PLAU: variants seen among roughly 807,000 people sequenced by gnomAD.
PLAU encodes urokinase-type plasminogen activator.
PLAU carries 32 observed loss-of-function variants against 48.9 expected under a neutral mutation model. The ratio of observed to expected loss-of-function variants is 0.65; its 90% CI spans 0.49 to 0.88. The LOEUF is 0.88. PLAU is among the 40% of genes least tolerant of loss of function. The probability of loss-of-function intolerance (pLI) is 0.00; values close to 1 mark genes in which losing one functional copy is unlikely to be tolerated. For missense variants in PLAU, 455 were observed against 545.2 expected (o/e 0.83, Z 1.65); for synonymous variants, 199 against 205.7 (o/e 0.97, Z 0.28).
chr10:73,912,110 T>C, intron 3 of PLAU, 42 bp downstream of exon 3: 1 of 1,604,950 alleles, frequency 6.2e-7, no homozygotes, highest in Non-Finnish European at 8.5e-7. Flanking sequence ...ACAGACAAGT[T>C]GGGAAGGCTT....
Position 73,912,305 on chromosome 10 carries a change from G to A in PLAU, c.176G>A (p.Gly59Glu). Residue 59 changes from glycine (G) to glutamate (E), a missense_variant, in exon 4 of 11, where the codon GGG becomes GAG. Transcript: ENST00000372764. ...TGCAACTGCCCAAAGAAATTCGGAGGGCAGCACTGTGAAATAGGTATGGGG... is the reference window on the plus strand; with the variant it reads ...TGCAACTGCCCAAAGAAATTCGGAGAGCAGCACTGTGAAATAGGTATGGGG... The part of the protein sequence containing the change: ...HWCNCPKKFG[G>E]QHCEIDKSKT... 1 of 1,613,110 alleles carries A rather than the reference G, an allele frequency of 6.2e-7. No individual in the cohort carries two copies. Among genetic ancestry groups the A allele is most frequent in the South Asian group, 1.1e-5 (1 of 91,068 alleles).
chr10:73,916,482 A>G lies in PLAU; in HGVS notation c.1213A>G (p.Lys405Glu). 1.2e-6 allele frequency: 2 copies of G among 1,614,044 alleles called. No homozygotes were observed. The highest frequency in any genetic ancestry group is 1.7e-6 in the Non-Finnish European group (2 of 1,179,962). ...GGGCCGTGGATGTGCCCTGAAGGAC[A>G]AGCCAGGCGTCTACACGAGAGTCTC... Reference protein sequence around the residue: ...SWGRGCALKDKPGVYTRVSHF... With the variant: ...SWGRGCALKDEPGVYTRVSHF... The change falls in exon 11 of 11, where the codon AAG becomes GAG. Residue 405 changes from lysine (K) to glutamate (E), a missense_variant. Lys to Glu is a moderately conservative substitution (Grantham distance 56). Coordinates refer to ENST00000372764, the MANE Select transcript of PLAU (RefSeq NM_002658.6).
At position 73,914,776 on chromosome 10, in the gene PLAU, C is replaced by G. The variant is rs899678360; in HGVS notation, c.830C>G (p.Ala277Gly). Reference protein sequence around the residue: ...ADTLAHHNDIALLKIRSKEGR... With the variant: ...ADTLAHHNDIGLLKIRSKEGR... ...CCTCTGACCCTCTGTCCTCCCCCAG[C>G]CTTGCTGAAGATCCGTTCCAAGGAG... The change falls in exon 9 of 11, where the codon GCC becomes GGC. Residue 277 changes from alanine to glycine, a missense_variant and splice_region_variant. Ala to Gly is a moderately conservative substitution (Grantham distance 60). Coordinates refer to ENST00000372764, the MANE Select transcript of PLAU (RefSeq NM_002658.6). 1.2e-6 allele frequency: 2 copies of G among 1,613,352 alleles called. No homozygotes were observed. The highest frequency in any genetic ancestry group is 1.1e-5 in the South Asian group (1 of 91,000).
rs2227569 is a variant in PLAU, at chr10:73,914,543, G to A, written c.830-233G>A. ...CTCAGCTGGGAGTTTTTGCAGAAAC[G>A]ACCTGTACAGCTGTATGCAGTGGCT... On this transcript the variant is annotated intron_variant, in intron 8 of 10. Coordinates refer to ENST00000372764, the MANE Select transcript of PLAU (RefSeq NM_002658.6). 4.1e-3 allele frequency among the ~76,000 whole-genome samples: 629 copies of A among 152,280 alleles called. 6 individuals are homozygous for A. The highest frequency in any genetic ancestry group is 0.014 in the African/African-American group (591 of 41,546).
At chr10:73,913,458 G>A (rs2096129286) in intron 6 of PLAU, 77 bp downstream of exon 6, 12 of 1,549,232 alleles carry the variant, frequency 7.7e-6, no homozygotes, top group Non-Finnish European at 1.1e-5. Flanking sequence ...CATCACAGGA[G>A]GACTGAGGAG....
Position 73,916,419 on chromosome 10 carries a change from C to T in PLAU, c.1150C>T (p.Leu384Phe), listed in dbSNP as rs1317242351. The T allele has an allele frequency of 2.5e-6, 4 of 1,613,598 alleles. No individual in the cohort carries two copies. In the East Asian group the frequency reaches 6.7e-5, roughly 27 times the overall value. Residue 384 changes from leucine (L) to phenylalanine (F), a missense_variant, in exon 11 of 11, where the codon CTC becomes TTC. Leu to Phe is a conservative substitution (Grantham distance 22, BLOSUM62 0). Coordinates refer to ENST00000372764, the MANE Select transcript of PLAU (RefSeq NM_002658.6). Reference sequence around the variant, plus strand: ...CTCAGGGGGACCCCTCGTCTGTTCCCTCCAAGGCCGCATGACTTTGACTGG... The same window carrying T: ...CTCAGGGGGACCCCTCGTCTGTTCCTTCCAAGGCCGCATGACTTTGACTGG... ...GDSGGPLVCSLQGRMTLTGIV... is the reference protein window; with the variant it reads ...GDSGGPLVCSFQGRMTLTGIV...
chr10:73,909,333 G>A (rs2096120275), upstream of PLAU: 2 of 152,166 alleles, frequency 1.3e-5, no homozygotes, highest in African/African-American at 4.8e-5. Context: ...TTATGTTCTG[G>A]TCACGTTTAT....
rs1305906663 is a variant in PLAU, at chr10:73,914,869, A to C, written c.923A>C (p.Gln308Pro). ...ICLPSMYNDP[Q>P]FGTSCEITGF... is the part of the protein sequence containing the mutation. The stretch of plus-strand genomic sequence containing the variant: ...CTGCCCTCGATGTATAACGATCCCC[A>C]GTTTGGCACAAGCTGTGAGATCACT... The change falls in exon 9 of 11, where the codon CAG becomes CCG. Residue 308 changes from glutamine (Q) to proline (P), a missense_variant. Transcript: ENST00000372764. 12 of 1,614,226 alleles carry C rather than the reference A, an allele frequency of 7.4e-6. No individual in the cohort carries two copies. Among genetic ancestry groups the C allele is most frequent in the Non-Finnish European group, 1.0e-5 (12 of 1,180,024 alleles).
At chr10:73,914,726 C>T in intron 8 of PLAU, 50 bp from the exon 9 acceptor site, 1 of 1,570,142 alleles carries the variant, frequency 6.4e-7, no homozygotes, top group Non-Finnish European at 8.7e-7. Context: ...CAGATGGGGA[C>T]CGCCTAACCA....
intron 4 of PLAU, 46 bp downstream of exon 4, chr10:73,912,368 G>A: frequency 1.3e-6 from 1 of 787,778 alleles, no homozygotes; most frequent in East Asian, 4.0e-5. Flanking sequence ...TGGGGACAGG[G>A]AGGGATGGGT....
At position 73,916,429 on chromosome 10, in the gene PLAU, G is replaced by A. The variant is rs867666007; in HGVS notation, c.1160G>A (p.Arg387His). The stretch of plus-strand genomic sequence containing the variant: ...CCCCTCGTCTGTTCCCTCCAAGGCC[G>A]CATGACTTTGACTGGAATTGTGAGC... ...GGPLVCSLQG[R>H]MTLTGIVSWG... The change falls in exon 11 of 11, where the codon CGC becomes CAC. Residue 387 changes from arginine (R) to histidine (H), a missense_variant. By Grantham distance (29) the Arg-to-His change is conservative. Coordinates refer to ENST00000372764, the MANE Select transcript of PLAU (RefSeq NM_002658.6). 1.2e-6 allele frequency: 2 copies of A among 1,613,068 alleles called. No homozygotes were observed. Among genetic ancestry groups the A allele is most frequent in the East Asian group, 2.2e-5 (1 of 44,862 alleles).
rs936194346 is a variant in PLAU at position 73,917,261 on chromosome 10, T to G, written c.*696T>G. 2 of 152,574 alleles carry G rather than the reference T, an allele frequency of 1.3e-5. No homozygotes were observed. The highest frequency in any genetic ancestry group is 4.8e-5 in the African/African-American group (2 of 41,406). The allele number at this position is 152,574 out of a possible 1,614,324, so 9.5% of individuals were successfully genotyped here. A position where few individuals can be genotyped will look rare whatever the true frequency, so the allele number is the denominator to read the frequency against. On this transcript the variant is annotated 3_prime_UTR_variant, in exon 11 of 11. Transcript: ENST00000372764. ...GCCTCTTGGGTCCCCCACGTGACAG[T>G]GCCTGGGAATGTATTATTCTGCAGC...
chr10:73,911,933 G>C (rs1288515925), intron 2 of PLAU, 108 bp from the exon 3 acceptor site: 1 of 1,608,760 alleles, frequency 6.2e-7, no homozygotes, highest in Non-Finnish European at 8.5e-7. Flanking sequence ...AGGGTGAGGC[G>C]AGAGGGAGAG....
At chr10:73,914,275 T>G in intron 8 of PLAU, 147 bp downstream of exon 8, 1 of 725,628 alleles carries the variant, frequency 1.4e-6, no homozygotes, top group Non-Finnish European at 2.3e-6. Flanking sequence ...ACAAAGGGAG[T>G]GGCAGGGAAG....
Position 73,916,668 on chromosome 10 carries a change from C to A in PLAU, c.*103C>A. 2 of 942,772 alleles carry A rather than the reference C, an allele frequency of 2.1e-6. No homozygotes were observed. Among genetic ancestry groups the A allele is most frequent in the Non-Finnish European group, 3.1e-6 (2 of 638,946 alleles). The allele number at this position is 942,772 out of a possible 1,614,324, so 58.4% of individuals were successfully genotyped here. On this transcript the variant is annotated 3_prime_UTR_variant, in exon 11 of 11. Coordinates refer to ENST00000372764, the MANE Select transcript of PLAU (RefSeq NM_002658.6). ...TGTAAGAAGAGACTGGGAAGATAGG[C>A]TCTGCACAGATGGATTTGCCTGTGC...
At position 73,912,273 on chromosome 10, in the gene PLAU, T is replaced by C. The variant is rs1487852735; in HGVS notation, c.144T>C (p.Ile48=). The C allele has an allele frequency of 6.2e-7, 1 of 1,612,288 alleles. No homozygotes were observed. The highest frequency in any genetic ancestry group is 8.5e-7 in the Non-Finnish European group (1 of 1,179,152). Residue 48 remains isoleucine, a synonymous_variant, in exon 4 of 11, where the codon ATT becomes ATC. Coordinates refer to ENST00000372764, the MANE Select transcript of PLAU (RefSeq NM_002658.6). Reference sequence around the variant, plus strand: ...TGTCCAACAAGTACTTCTCCAACATTCACTGGTGCAACTGCCCAAAGAAAT... The same window carrying C: ...TGTCCAACAAGTACTTCTCCAACATCCACTGGTGCAACTGCCCAAAGAAAT... ...TCVSNKYFSN[I]HWCNCPKKFG...
At chr10:73,915,139 G>C in intron 9 of PLAU, 112 bp from the exon 10 acceptor site, 5 of 1,219,464 alleles carry the variant, frequency 4.1e-6, no homozygotes, top group Non-Finnish European at 5.8e-6. Flanking sequence ...GATTTGCATG[G>C]AAGAGAATAA....
chr10:73,914,915 TAGTA>T lies in PLAU; in HGVS notation c.970+3_970+6del. On this transcript the variant is annotated splice_donor_variant and splice_donor_region_variant and coding_sequence_variant and intron_variant, in exon 9 of 11. Coordinates refer to ENST00000372764, the MANE Select transcript of PLAU (RefSeq NM_002658.6). LOFTEE classifies it high-confidence loss of function. The stretch of plus-strand genomic sequence containing the variant: ...TCACTGGCTTTGGAAAAGAGAATTC[TAGTA>T]AGTGACAATTGCGACTGACTTAGAA... The T allele has an allele frequency of 6.2e-7, 1 of 1,613,972 alleles. No homozygotes were observed.
chr10:73,913,396 C>G lies in PLAU; in HGVS notation c.460+15C>G, dbSNP rs1372015971. On this transcript the variant is annotated intron_variant, in intron 6 of 10. Coordinates refer to ENST00000372764, the MANE Select transcript of PLAU (RefSeq NM_002658.6). ...CTGCGCAGATGGTGAGCATCACTGACCTGCTGATGACAGTGGGGTGGAAGG... is the reference window on the plus strand; with the variant it reads ...CTGCGCAGATGGTGAGCATCACTGAGCTGCTGATGACAGTGGGGTGGAAGG... 2 of 1,608,292 alleles carry G rather than the reference C, an allele frequency of 1.2e-6. No individual in the cohort carries two copies. Among genetic ancestry groups the G allele is most frequent in the South Asian group, 2.2e-5 (2 of 90,958 alleles).
Sources: gnomAD v4.1 joint callset for allele counts (sites outside exome capture counted in the v4.1 genomes callset) on GRCh38, gnomAD v4.1.1 for gene constraint, MANE v1.5 for transcripts, NCBI Gene and HGNC (gene_info 2026-07-23, HGNC 2026-07-21) for gene names.